Variants in SLC39A12 observed in about 807,000 individuals in gnomAD.
SLC39A12 encodes the protein solute carrier family 39 member 12.
In SLC39A12, 63 loss-of-function variants were observed where a neutral mutation model predicts 71.1. The ratio of observed to expected loss-of-function variants is 0.89; its 90% CI spans 0.72 to 1.09. The LOEUF is 1.09. SLC39A12 is among the 50% of genes least tolerant of loss of function. SLC39A12 has a pLI of 0.00. For synonymous variants in SLC39A12, 351 were observed against 301.3 expected, an observed-to-expected ratio of 1.16 and a Z score of -1.71; for missense variants, 892 against 812.6, an observed-to-expected ratio of 1.10 and a Z score of -1.19.
chr10:17,966,192 A>G (rs960289226), intron 4 of SLC39A12, among the ~76,000 whole-genome samples: 2 of 152,186 alleles, frequency 1.3e-5, no homozygotes, highest in Admixed American at 6.5e-5. Flanking sequence ...ATGAAATAGG[A>G]TGTCAGAACT....
intron 8 of SLC39A12, 85 bp downstream of exon 8, chr10:17,991,388 A>ACTT: frequency 8.5e-7 from 1 of 1,180,724 alleles, no homozygotes; most frequent in Non-Finnish European, 1.2e-6. Flanking sequence ...GTTCAAAAGT[A>ACTT]ATGAAGTTGC....
rs577376066 is a variant in SLC39A12, at chr10:18,013,613, C to T, written c.1947+10255C>T. 2.8e-4 allele frequency among the ~76,000 whole-genome samples: 43 copies of T among 152,174 alleles called. No homozygotes were observed. The South Asian group carries it at 8.7e-3, about 31-fold the overall frequency. ...TCTTGAACTCTTGGCTTCAAGTGAT[C>T]CTCTTGCCTCAGCCTCCCAAAGTGT... On this transcript the variant is annotated intron_variant, in intron 12 of 12. Transcript: ENST00000377369.
At chr10:18,008,486 T>C (rs1323683623) in intron 12 of SLC39A12, 1 of 152,184 alleles carries the variant, frequency 6.6e-6, no homozygotes, top group African/African-American at 2.4e-5. Flanking sequence ...AATGTAATAA[T>C]AATAGAAATA....
chr10:17,970,080 C>G (rs1042425328), intron 4 of SLC39A12, among the ~76,000 whole-genome samples: 2 of 152,086 alleles, frequency 1.3e-5, no homozygotes, highest in Non-Finnish European at 2.9e-5. Flanking sequence ...GGACCTGTGT[C>G]TAAAATGAGT....
intron 4 of SLC39A12, among the ~76,000 whole-genome samples, chr10:17,967,571 A>G (rs372254460): frequency 1.3e-5 from 2 of 152,118 alleles, no homozygotes; most frequent in African/African-American, 4.8e-5. Flanking sequence ...TCAAAACAGA[A>G]CAATTTGCTT....
intron 5 of SLC39A12, 92 bp from the exon 6 acceptor site, chr10:17,981,220 A>G (rs985647687): frequency 1.0e-5 from 12 of 1,159,308 alleles, no homozygotes; most frequent in Admixed American, 8.9e-5. Context: ...TCGCTATTCC[A>G]TCTAGAATTC....
chr10:18,020,608 T>C (rs1039080832), intron 12 of SLC39A12, among the ~76,000 whole-genome samples: 3 of 152,184 alleles, frequency 2.0e-5, no homozygotes, highest in African/African-American at 7.2e-5. Flanking sequence ...GCATTCCCTT[T>C]CTCTGCAACC....
chr10:17,987,533 G>T lies in SLC39A12; in HGVS notation c.1151G>T (p.Gly384Val). 6.2e-7 allele frequency: 1 copy of T among 1,614,108 alleles called. No homozygotes were observed. The highest frequency in any genetic ancestry group is 8.5e-7 in the Non-Finnish European group (1 of 1,180,016). Reference protein sequence around the residue: ...VTLLTLGSMLGTALVLFHSCE... With the variant: ...VTLLTLGSMLVTALVLFHSCE... The stretch of plus-strand genomic sequence containing the variant: ...CTTCTCACACTGGGCTCCATGCTGG[G>T]GACAGCGCTGGTCCTTTTCCATAGC... The change falls in exon 7 of 13, where the codon GGG becomes GTG. Residue 384 changes from glycine to valine, a missense_variant. Coordinates refer to ENST00000377369, the MANE Select transcript of SLC39A12 (RefSeq NM_001145195.2).
intron 6 of SLC39A12, among the ~76,000 whole-genome samples, chr10:17,984,702 A>T (rs532735869): frequency 6.6e-6 from 1 of 152,346 alleles, no homozygotes; most frequent in East Asian, 1.9e-4. Context: ...TGAACAATAC[A>T]CATGAAATAC....
intron 12 of SLC39A12, chr10:18,008,687 A>G (rs1214744388): frequency 6.6e-6 from 1 of 152,208 alleles, no homozygotes; most frequent in African/African-American, 2.4e-5. Flanking sequence ...ACAGTACCTA[A>G]GTTTACAGGA....
At chr10:17,972,053 C>T (rs748304203) in intron 4 of SLC39A12, among the ~76,000 whole-genome samples, 11 of 152,034 alleles carry the variant, frequency 7.2e-5, no homozygotes, top group Non-Finnish European at 8.8e-5. Flanking sequence ...TGTTTCAAGA[C>T]GTTTTTCTAT....
intron 12 of SLC39A12, 58 bp from the exon 13 acceptor site, chr10:18,042,633 GTTTTCCCACCAAGC>G: frequency 6.7e-7 from 1 of 1,481,624 alleles, no homozygotes. Flanking sequence ...AGTCGCTCAT[GTTTTCCCACCAAGC>G]TTTTCCCAGC....
chr10:17,967,896 A>ATATATATAT (rs1283821688), intron 4 of SLC39A12, among the ~76,000 whole-genome samples: 11 of 124,692 alleles, frequency 8.8e-5, no homozygotes, highest in African/African-American at 3.9e-4. Flanking sequence ...CAAAAAAAAA[A>ATATATATAT]AAATATATAT....
intron 4 of SLC39A12, among the ~76,000 whole-genome samples, chr10:17,973,168 G>T (rs1835018521): frequency 1.3e-5 from 2 of 151,974 alleles, no homozygotes; most frequent in African/African-American, 4.8e-5. Flanking sequence ...ACTTTTTGTT[G>T]TTTCTATTTA....
At chr10:18,042,463 GAAAAAA>G (rs551298382) in intron 12 of SLC39A12, among the ~76,000 whole-genome samples, 2 of 115,058 alleles carry the variant, frequency 1.7e-5, no homozygotes, top group African/African-American at 3.3e-5. Context: ...TGCCTCAAAA[GAAAAAA>G]AAAAAAAAAA....
chr10:18,033,028 G>A (rs1398233244), intron 12 of SLC39A12, among the ~76,000 whole-genome samples: 1 of 151,662 alleles, frequency 6.6e-6, no homozygotes, highest in Non-Finnish European at 1.5e-5. Context: ...TAAGCTTTTG[G>A]ATGTGCTGCC....
At chr10:17,968,393 A>G (rs755680418) in intron 4 of SLC39A12, among the ~76,000 whole-genome samples, 3 of 152,184 alleles carry the variant, frequency 2.0e-5, no homozygotes, top group African/African-American at 7.2e-5. Flanking sequence ...AGAGTCTTTC[A>G]TATTAACCCA....
intron 2 of SLC39A12, among the ~76,000 whole-genome samples, chr10:17,953,802 T>C (rs1675071675): frequency 6.6e-6 from 1 of 152,218 alleles, no homozygotes; most frequent in African/African-American, 2.4e-5. Context: ...AGGCATTTAT[T>C]TGTGAGCGCG....
At chr10:18,025,549 C>A (rs1031669935) in intron 12 of SLC39A12, among the ~76,000 whole-genome samples, 26 of 152,182 alleles carry the variant, frequency 1.7e-4, no homozygotes, top group Non-Finnish European at 2.5e-4. Flanking sequence ...CATGTCCCTA[C>A]AAAGGACATG....
Sources: allele counts gnomAD v4.1 joint callset (sites outside exome capture counted in the v4.1 genomes callset), GRCh38; gene constraint gnomAD v4.1.1; transcripts MANE v1.5; gene names NCBI Gene and HGNC (gene_info 2026-07-23, HGNC 2026-07-21).